The following DAB1 variants were observed in gnomAD, a reference collection of about 807,000 sequenced individuals.
DAB1 encodes the protein disabled homolog 1.
DAB1 carries 15 observed loss-of-function variants against 64.6 expected under a neutral mutation model. That is an observed-to-expected ratio of 0.23 (90% CI 0.16 to 0.36). DAB1 has a LOEUF of 0.36. Among genes scored for constraint, DAB1 ranks in the 10% least tolerant of loss-of-function variants. The probability of loss-of-function intolerance (pLI) is 1.00; values close to 1 mark genes in which losing one functional copy is unlikely to be tolerated. For synonymous variants in DAB1, 235 were observed against 251.9 expected, an observed-to-expected ratio of 0.93 and a Z score of 0.64; for missense variants, 596 against 706.7, an observed-to-expected ratio of 0.84 and a Z score of 1.78.
intron 4 of DAB1, among the ~76,000 whole-genome samples, chr1:58,219,674 AG>A (rs764619148): frequency 4.6e-5 from 7 of 152,170 alleles, no homozygotes; most frequent in Non-Finnish European, 8.8e-5. Context: ...TGCTCCACTG[AG>A]GAAATCTTCC....
At chr1:57,590,324 T>G (rs1053350980) in intron 7 of DAB1, among the ~76,000 whole-genome samples, 2 of 151,854 alleles carry the variant, frequency 1.3e-5, no homozygotes, top group African/African-American at 4.8e-5. Flanking sequence ...ATTTATTTAT[T>G]TATTTATTTA....
In DAB1 at chr1:57,866,317, C is replaced by T. The variant is rs1318092014; in HGVS notation, n.87+17682G>A. 2 of 152,106 alleles carry T rather than the reference C, an allele frequency of 1.3e-5. 1 individual carries two copies. The highest frequency in any genetic ancestry group is 1.3e-4 in the Admixed American group (2 of 15,260). 9.4% of individuals were successfully genotyped at this position (152,106 alleles called of 1,614,324 possible). ...CTCTTCACAGGTACAGGGTGAACTCCGAGACCATCTCTCCTATTCATTTAC... is the reference window on the plus strand; with the variant it reads ...CTCTTCACAGGTACAGGGTGAACTCTGAGACCATCTCTCCTATTCATTTAC... On this transcript the variant is annotated intron_variant and non_coding_transcript_variant, in intron 1 of 1. Coordinates refer to the DAB1 transcript ENST00000477280.
At chr1:57,401,695 G>C (rs978257005) in intron 1 of DAB1, among the ~76,000 whole-genome samples, 57 of 152,188 alleles carry the variant, frequency 3.7e-4, no homozygotes, top group Non-Finnish European at 1.0e-4. Flanking sequence ...TAGGTCCAGA[G>C]AGCCCAAGTC....
At chr1:57,539,042 T>C (rs1208885315) in intron 7 of DAB1, among the ~76,000 whole-genome samples, 4 of 152,234 alleles carry the variant, frequency 2.6e-5, no homozygotes, top group Non-Finnish European at 5.9e-5. Context: ...CACACCTCCC[T>C]TCTCTTACGT....
chr1:57,694,070 G>A (rs931845515), intron 6 of DAB1, among the ~76,000 whole-genome samples: 9 of 152,118 alleles, frequency 5.9e-5, no homozygotes, highest in African/African-American at 2.2e-4. Flanking sequence ...GTGTTTTCTT[G>A]TAGTAGTTTC....
At chr1:57,452,164 C>CT (rs1370158506) in intron 7 of DAB1, among the ~76,000 whole-genome samples, 16 of 96,430 alleles carry the variant, frequency 1.7e-4, no homozygotes, top group African/African-American at 5.0e-4. Context: ...TCTGCACCCC[C>CT]CCTTTTTTTT....
chr1:57,738,729 G>A (rs534970643), intron 6 of DAB1, among the ~76,000 whole-genome samples: 1 of 152,248 alleles, frequency 6.6e-6, no homozygotes, highest in Non-Finnish European at 1.5e-5. Flanking sequence ...CAGACAGCTC[G>A]TTGAATTATT....
At chr1:57,166,673 T>C (rs192410034) in intron 2 of DAB1, among the ~76,000 whole-genome samples, 1 of 152,144 alleles carries the variant, frequency 6.6e-6, no homozygotes, top group Non-Finnish European at 1.5e-5. Context: ...TTTATCTGAG[T>C]GTGAGGAGAT....
chr1:58,446,639 A>C (rs1417396567), intron 3 of DAB1, among the ~76,000 whole-genome samples: 1 of 152,188 alleles, frequency 6.6e-6, no homozygotes, highest in African/African-American at 2.4e-5. Context: ...GCTCTGCCAA[A>C]TATCTTCTGA....
At chr1:57,614,868 C>CTTTTTTTTTTTTTTTTTTTTTTT (rs34907824) in intron 7 of DAB1, among the ~76,000 whole-genome samples, 5 of 38,740 alleles carry the variant, frequency 1.3e-4, no homozygotes, top group African/African-American at 2.9e-4. Flanking sequence ...TTCTTTCTTT[C>CTTTTTTTTTTTTTTTTTTTTTTT]TTTTTTTTTT....
intron 9 of DAB1, among the ~76,000 whole-genome samples, chr1:57,034,786 A>G (rs1036223674): frequency 6.6e-6 from 1 of 152,212 alleles, no homozygotes; most frequent in Non-Finnish European, 1.5e-5. Context: ...AGTTTTGAGG[A>G]GAGCTTTTGG....
At position 58,149,927 on chromosome 1, in the gene DAB1, T is replaced by C. The variant is rs376044403; in HGVS notation, n.387+584A>G. Among the ~76,000 whole-genome samples the C allele has an allele frequency of 2.2e-4, 33 of 152,218 alleles. No homozygotes were observed. In the East Asian group the frequency reaches 2.3e-3, roughly 11 times the overall value. On this transcript the variant is annotated intron_variant and non_coding_transcript_variant, in intron 5 of 20. Coordinates refer to the DAB1 transcript ENST00000485760. ...TGAAGCTAAGTCAGTTGCTTACTGGTGATGCTTTCAGCCACAAAGAAAGGT... is the reference window on the plus strand; with the variant it reads ...TGAAGCTAAGTCAGTTGCTTACTGGCGATGCTTTCAGCCACAAAGAAAGGT...
chr1:57,813,225 C>A (rs571582377), intron 6 of DAB1, among the ~76,000 whole-genome samples: 2 of 152,164 alleles, frequency 1.3e-5, no homozygotes, highest in Admixed American at 1.3e-4. Context: ...AACATGGCAG[C>A]CTTTCTTTAC....
In DAB1 at chr1:57,033,390, G is replaced by A. The variant is rs767819309; in HGVS notation, c.724-7347C>T. On this transcript the variant is annotated intron_variant, in intron 9 of 14. Transcript: ENST00000371236. ...ACACAAACCTCAAGGCCTTACCTTC[G>A]TTGCCTCAAAAATCTCATCAAAGTC... 1.7e-5 allele frequency: 28 copies of A among 1,612,700 alleles called. No individual in the cohort carries two copies. In the Admixed American group the frequency reaches 2.3e-4, roughly 13 times the overall value.
At chr1:58,373,505 T>A (rs1644290699) in intron 3 of DAB1, among the ~76,000 whole-genome samples, 1 of 151,430 alleles carries the variant, frequency 6.6e-6, no homozygotes, top group East Asian at 1.9e-4. Context: ...CATGAACTCA[T>A]CATTTCTTAC....
intron 3 of DAB1, among the ~76,000 whole-genome samples, chr1:58,398,120 C>A (rs1644538237): frequency 6.6e-6 from 1 of 152,206 alleles, no homozygotes; most frequent in African/African-American, 2.4e-5. Flanking sequence ...AACAGGCCAA[C>A]TCTGTTCCCT....
intron 4 of DAB1, among the ~76,000 whole-genome samples, chr1:58,151,440 C>T (rs1304720127): frequency 1.3e-5 from 2 of 152,096 alleles, no homozygotes; most frequent in Non-Finnish European, 2.9e-5. Context: ...TCTCTGATGG[C>T]CAGTGATGAG....
At chr1:57,584,171 G>A (rs376089506) in intron 7 of DAB1, among the ~76,000 whole-genome samples, 8 of 152,236 alleles carry the variant, frequency 5.3e-5, no homozygotes, top group African/African-American at 1.9e-4. Context: ...AGGAAACGCT[G>A]AGCCGTAACC....
intron 2 of DAB1, among the ~76,000 whole-genome samples, chr1:57,198,250 A>G (rs476466): frequency 1.4e-4 from 22 of 151,874 alleles, no homozygotes; most frequent in Admixed American, 3.9e-4. Flanking sequence ...CTGTACATTT[A>G]GAAATCACCC....
Sources: allele counts gnomAD v4.1 joint callset (sites outside exome capture counted in the v4.1 genomes callset), GRCh38; gene constraint gnomAD v4.1.1; transcripts MANE v1.5; gene names NCBI Gene and HGNC (gene_info 2026-07-23, HGNC 2026-07-21).